The following CSMD3 variants were observed in gnomAD, a reference collection of about 807,000 sequenced individuals.
CSMD3 encodes CUB and sushi domain-containing protein 3.
Under a neutral mutation model 435.2 loss-of-function variants are expected in CSMD3, and 177 were observed. The ratio of observed to expected loss-of-function variants is 0.41; its 90% confidence interval spans 0.36 to 0.46. CSMD3 has a LOEUF of 0.46. CSMD3 is among the 20% of genes least tolerant of loss of function. CSMD3 has a pLI of 0.34. For missense variants in CSMD3, 4,265 were observed against 4,504.6 expected (o/e 0.95, Z 1.52); for synonymous variants, 1,656 against 1,520.5 (o/e 1.09, Z -2.07).
At chr8:113,099,169 C>T (rs919907885) in intron 4 of CSMD3, among the ~76,000 whole-genome samples, 1 of 151,832 alleles carries the variant, frequency 6.6e-6, no homozygotes, top group African/African-American at 2.4e-5. Context: ...TATATCTTAA[C>T]AATTTTATAA....
intron 4 of CSMD3, among the ~76,000 whole-genome samples, chr8:113,109,633 G>C (rs1436219594): frequency 6.6e-6 from 1 of 152,158 alleles, no homozygotes; most frequent in African/African-American, 2.4e-5. Flanking sequence ...GCTTCAAGCA[G>C]CCTTGCTCCC....
chr8:112,531,557 T>C (rs1825540855), intron 27 of CSMD3, among the ~76,000 whole-genome samples: 1 of 152,138 alleles, frequency 6.6e-6, no homozygotes, highest in Non-Finnish European at 1.5e-5. Flanking sequence ...AGGATCATCC[T>C]GGCAACCCAA....
intron 14 of CSMD3, among the ~76,000 whole-genome samples, chr8:112,689,482 T>C (rs1439946756): frequency 6.6e-6 from 1 of 152,018 alleles, no homozygotes; most frequent in Non-Finnish European, 1.5e-5. Context: ...ACATACAATA[T>C]AAGCTTTAAA....
intron 50 of CSMD3, among the ~76,000 whole-genome samples, chr8:112,308,383 C>T (rs1380596822): frequency 1.3e-5 from 2 of 151,812 alleles, no homozygotes; most frequent in Admixed American, 6.6e-5. Flanking sequence ...GTATAGATTC[C>T]ACATATATGT....
chr8:112,974,837 A>C (rs537853780), intron 7 of CSMD3, among the ~76,000 whole-genome samples: 8 of 151,938 alleles, frequency 5.3e-5, no homozygotes, highest in African/African-American at 1.7e-4. Context: ...TATTGAGCAC[A>C]ATACTTATAC....
At chr8:112,629,303 G>C (rs1050699731) in intron 22 of CSMD3, among the ~76,000 whole-genome samples, 7 of 152,016 alleles carry the variant, frequency 4.6e-5, no homozygotes, top group Non-Finnish European at 8.8e-5. Flanking sequence ...CTGGGCTCAG[G>C]CAATCCTCTT....
chr8:112,957,154 T>C (rs552271643), intron 7 of CSMD3, among the ~76,000 whole-genome samples: 1 of 152,246 alleles, frequency 6.6e-6, no homozygotes, highest in Non-Finnish European at 1.5e-5. Context: ...TTACAATATA[T>C]ACCATAAAAT....
intron 4 of CSMD3, among the ~76,000 whole-genome samples, chr8:113,119,816 T>G (rs1302560082): frequency 6.6e-6 from 1 of 152,104 alleles, no homozygotes; most frequent in Non-Finnish European, 1.5e-5. Context: ...ACATTAAATT[T>G]TTGATTGGTG....
intron 8 of CSMD3, among the ~76,000 whole-genome samples, chr8:112,953,138 CT>C (rs1480702674): frequency 6.6e-6 from 1 of 151,318 alleles, no homozygotes; most frequent in East Asian, 1.9e-4. Flanking sequence ...GTAAGCCATT[CT>C]AATACGCTGT....
intron 19 of CSMD3, among the ~76,000 whole-genome samples, chr8:112,646,667 G>A (rs182657838): frequency 1.5e-3 from 225 of 152,126 alleles, no homozygotes; most frequent in African/African-American, 5.3e-3. Context: ...ACAAACATTC[G>A]TACTATTACT....
chr8:113,423,185 T>C (rs953146066), intron 1 of CSMD3, among the ~76,000 whole-genome samples: 17 of 152,104 alleles, frequency 1.1e-4, no homozygotes, highest in African/African-American at 4.1e-4. Flanking sequence ...ACTTGTGGAA[T>C]CATGTCAGAC....
At chr8:112,459,378 A>T (rs557400149) in intron 32 of CSMD3, among the ~76,000 whole-genome samples, 6 of 150,186 alleles carry the variant, frequency 4.0e-5, no homozygotes, top group South Asian at 2.1e-4. Context: ...GGGTTTATTC[A>T]ATTATGTTTA....
intron 1 of CSMD3, among the ~76,000 whole-genome samples, chr8:113,357,414 TAGCTACATGTCATTATTCAGTA>T (rs1421602371): frequency 6.6e-6 from 1 of 152,216 alleles, no homozygotes; most frequent in African/African-American, 2.4e-5. Flanking sequence ...TGGTAACCAC[TAGCTACATGTCATTATTCAGTA>T]CTTGAAATGT....
intron 6 of CSMD3, among the ~76,000 whole-genome samples, chr8:112,992,398 C>CAT (rs2085489169): frequency 6.6e-6 from 1 of 151,664 alleles, no homozygotes; most frequent in Admixed American, 6.6e-5. Context: ...AATGTTAGTA[C>CAT]ATGAAGACAT....
intron 6 of CSMD3, among the ~76,000 whole-genome samples, chr8:112,986,145 C>T (rs1587830149): frequency 6.6e-6 from 1 of 152,146 alleles, no homozygotes; most frequent in Non-Finnish European, 1.5e-5. Context: ...ATGGAACACT[C>T]AGTTAAATTT....
chr8:113,023,153 C>T (rs1264744358), intron 5 of CSMD3, among the ~76,000 whole-genome samples: 3 of 151,912 alleles, frequency 2.0e-5, no homozygotes, highest in Non-Finnish European at 4.4e-5. Flanking sequence ...TCATTTCAGC[C>T]ATATCTGGTT....
At chr8:113,182,616 C>T (rs1352546355) in intron 3 of CSMD3, among the ~76,000 whole-genome samples, 1 of 151,964 alleles carries the variant, frequency 6.6e-6, no homozygotes, top group Non-Finnish European at 1.5e-5. Flanking sequence ...AGTTATTTCC[C>T]TTCATGTGAC....
chr8:112,644,062 A>G (rs1032579904), intron 20 of CSMD3, among the ~76,000 whole-genome samples: 1 of 151,650 alleles, frequency 6.6e-6, no homozygotes, highest in Non-Finnish European at 1.5e-5. Flanking sequence ...ATAATATAAT[A>G]CATCAACAGA....
At chr8:113,101,983 A>T (rs911096735) in intron 4 of CSMD3, among the ~76,000 whole-genome samples, 1 of 152,090 alleles carries the variant, frequency 6.6e-6, no homozygotes, top group Non-Finnish European at 1.5e-5. Flanking sequence ...ACCTAAGTCA[A>T]TTTAAAAAGA....
Sources: gnomAD v4.1 joint callset for allele counts (sites outside exome capture counted in the v4.1 genomes callset) on GRCh38, gnomAD v4.1.1 for gene constraint, MANE v1.5 for transcripts, NCBI Gene and HGNC (gene_info 2026-07-23, HGNC 2026-07-21) for gene names.